The following CNTNAP2 variants were observed in gnomAD, a reference collection of about 807,000 sequenced individuals.
The protein encoded by CNTNAP2 is contactin associated protein 2.
CNTNAP2 carries 98 observed loss-of-function variants against 155.2 expected under a neutral mutation model. The ratio of observed to expected loss-of-function variants is 0.63; its 90% CI spans 0.54 to 0.75. The LOEUF (loss-of-function observed/expected upper bound fraction) is 0.75. CNTNAP2 is among the 30% of genes least tolerant of loss of function. The pLI is 0.00. For missense variants in CNTNAP2, 1,727 were observed against 1,688.1 expected (o/e 1.02, Z -0.40); for synonymous variants, 651 against 631.2 (o/e 1.03, Z -0.47).
chr7:147,256,968 T>G (rs1161726753), intron 8 of CNTNAP2, among the ~76,000 whole-genome samples: 1 of 151,444 alleles, frequency 6.6e-6, no homozygotes, highest in African/African-American at 2.4e-5. Flanking sequence ...AAATCAAGCA[T>G]AGAAACAAAG....
rs1017445784 is a variant in CNTNAP2, at chr7:147,352,532, A to G, written c.1499-43077A>G. ...TTTAAAACATTTTTGAACTAGCTCT[A>G]CAGTTTTTAGAAGCTGTTTAGGGAC... On this transcript the variant is annotated intron_variant, in intron 9 of 23. Coordinates refer to ENST00000361727, the MANE Select transcript of CNTNAP2 (RefSeq NM_014141.6). Among the ~76,000 whole-genome samples the G allele has an allele frequency of 2.0e-5, 3 of 151,992 alleles. No homozygotes were observed. In the East Asian group the frequency reaches 5.8e-4, roughly 29 times the overall value.
chr7:146,375,907 C>A (rs1356360854), intron 1 of CNTNAP2, among the ~76,000 whole-genome samples: 1 of 152,162 alleles, frequency 6.6e-6, no homozygotes, highest in Non-Finnish European at 1.5e-5. Flanking sequence ...GTGGGAAAAT[C>A]TCCCATAGGT....
chr7:147,607,410 TTCTC>T (rs371712227), intron 12 of CNTNAP2, among the ~76,000 whole-genome samples: 12 of 149,184 alleles, frequency 8.0e-5, no homozygotes, highest in South Asian at 2.2e-4. Flanking sequence ...CTCTCTTCCT[TTCTC>T]TCTCTCTCTC....
At chr7:147,975,407 T>C (rs1801412670) in intron 14 of CNTNAP2, among the ~76,000 whole-genome samples, 1 of 151,960 alleles carries the variant, frequency 6.6e-6, no homozygotes, top group South Asian at 2.1e-4. Flanking sequence ...TGTGTAAAAT[T>C]CATTGAACTG....
At chr7:147,513,042 A>G (rs1799049168) in intron 11 of CNTNAP2, among the ~76,000 whole-genome samples, 1 of 152,216 alleles carries the variant, frequency 6.6e-6, no homozygotes, top group Non-Finnish European at 1.5e-5. Context: ...ATAAAGTGAT[A>G]TATCAATTTT....
intron 15 of CNTNAP2, among the ~76,000 whole-genome samples, chr7:148,052,324 A>T (rs1214138266): frequency 2.0e-5 from 3 of 151,382 alleles, no homozygotes; most frequent in South Asian, 4.2e-4. Flanking sequence ...ACTTTTAAAA[A>T]CTAGCAACAA....
chr7:146,315,654 C>T (rs1409282713), intron 1 of CNTNAP2, among the ~76,000 whole-genome samples: 1 of 152,098 alleles, frequency 6.6e-6, no homozygotes, highest in Non-Finnish European at 1.5e-5. Flanking sequence ...ATATTTTTGA[C>T]TTGTGTTTAT....
At chr7:146,170,693 TAAAAC>T (rs1373036853) in intron 1 of CNTNAP2, among the ~76,000 whole-genome samples, 1 of 152,080 alleles carries the variant, frequency 6.6e-6, no homozygotes, top group Non-Finnish European at 1.5e-5. Flanking sequence ...TGCAAACAAT[TAAAAC>T]TAACTGACAA....
At chr7:147,626,801 G>C (rs999576168) in intron 12 of CNTNAP2, among the ~76,000 whole-genome samples, 7 of 152,118 alleles carry the variant, frequency 4.6e-5, no homozygotes, top group Admixed American at 3.9e-4. Flanking sequence ...CAAGATACTG[G>C]CTAACCAGAG....
intron 14 of CNTNAP2, among the ~76,000 whole-genome samples, chr7:147,916,571 T>C (rs1439769554): frequency 7.4e-6 from 1 of 134,398 alleles, no homozygotes; most frequent in Non-Finnish European, 1.5e-5. Context: ...AGAACTAAGA[T>C]TCAAAAGAGC....
intron 13 of CNTNAP2, among the ~76,000 whole-genome samples, chr7:147,737,430 C>A (rs1014580411): frequency 6.6e-6 from 1 of 152,122 alleles, no homozygotes; most frequent in Non-Finnish European, 1.5e-5. Flanking sequence ...TCAGTCTGCC[C>A]CTACTGGGGG....
At chr7:147,067,996 C>G (rs1396477084) in intron 4 of CNTNAP2, among the ~76,000 whole-genome samples, 1 of 152,212 alleles carries the variant, frequency 6.6e-6, no homozygotes, top group East Asian at 1.9e-4. Context: ...GTGGTCTGGG[C>G]TGAGATTCAG....
chr7:146,702,990 G>A (rs1358116515), intron 1 of CNTNAP2, among the ~76,000 whole-genome samples: 1 of 152,072 alleles, frequency 6.6e-6, no homozygotes, highest in African/African-American at 2.4e-5. Flanking sequence ...CTTTTTACGT[G>A]AGACAAATCC....
chr7:146,225,069 CAAAA>C (rs1024659459), intron 1 of CNTNAP2, among the ~76,000 whole-genome samples: 15 of 151,916 alleles, frequency 9.9e-5, no homozygotes, highest in African/African-American at 3.6e-4. Flanking sequence ...TGTGGGAAGA[CAAAA>C]AGAAAGAGCT....
chr7:146,642,121 G>A (rs1326090220), intron 1 of CNTNAP2, among the ~76,000 whole-genome samples: 2 of 151,498 alleles, frequency 1.3e-5, no homozygotes, highest in African/African-American at 2.4e-5. Flanking sequence ...GTTTTGTTTT[G>A]TTTTGGTTTT....
intron 1 of CNTNAP2, among the ~76,000 whole-genome samples, chr7:146,718,590 C>T (rs1801231831): frequency 6.6e-6 from 1 of 152,098 alleles, no homozygotes; most frequent in African/African-American, 2.4e-5. Flanking sequence ...GTTTTAATTT[C>T]ACAACTTAGG....
At chr7:146,483,863 GAA>G (rs1797016854) in intron 1 of CNTNAP2, among the ~76,000 whole-genome samples, 1 of 152,020 alleles carries the variant, frequency 6.6e-6, no homozygotes, top group Admixed American at 6.6e-5. Flanking sequence ...GGATATTGAA[GAA>G]AAATGTTTTC....
At chr7:148,399,899 A>C (rs1398787997) in intron 22 of CNTNAP2, among the ~76,000 whole-genome samples, 1 of 152,164 alleles carries the variant, frequency 6.6e-6, no homozygotes, top group Non-Finnish European at 1.5e-5. Flanking sequence ...GAGCAGCTGA[A>C]GACCTGAGTC....
At chr7:148,344,033 C>T (rs963897643) in intron 21 of CNTNAP2, among the ~76,000 whole-genome samples, 1 of 152,144 alleles carries the variant, frequency 6.6e-6, no homozygotes, top group Non-Finnish European at 1.5e-5. Flanking sequence ...TCTAATGATA[C>T]CCCTAGGAGT....
Sources: gnomAD v4.1 joint callset for allele counts (sites outside exome capture counted in the v4.1 genomes callset) on GRCh38, gnomAD v4.1.1 for gene constraint, MANE v1.5 for transcripts, NCBI Gene and HGNC (gene_info 2026-07-23, HGNC 2026-07-21) for gene names.